The following GNAS variants were observed in gnomAD, a reference collection of about 807,000 sequenced individuals.
GNAS encodes GNAS complex locus.
A neutral mutation model predicts 54.5 loss-of-function variants in GNAS; 8 were observed. That is an observed-to-expected ratio of 0.15 (90% CI 0.09 to 0.26). The LOEUF is 0.26. Ranked by LOEUF, GNAS falls within the 10% of genes least tolerant of loss-of-function variation. GNAS has a pLI of 1.00. For missense variants in GNAS, 170 were observed against 529.8 expected, an observed-to-expected ratio of 0.32 and a Z score of 6.67; for synonymous variants, 204 against 191.4, an observed-to-expected ratio of 1.07 and a Z score of -0.54.
upstream of GNAS, chr20:58,840,183 G>T (rs774700482): frequency 1.9e-6 from 3 of 1,611,320 alleles, no homozygotes; most frequent in Non-Finnish European, 2.5e-6. The surrounding 1 kb of genome is among the most constrained non-coding windows in gnomAD (Gnocchi z 6.0). Context: ...CCCATAGGCC[G>T]CCGGGCAGCC....
At chr20:58,889,264 CG>C, upstream of GNAS, 1 of 1,056,542 alleles carries the variant, frequency 9.5e-7, no homozygotes, top group South Asian at 2.6e-5. Flanking sequence ...GGCTGCGGCG[CG>C]GCGGCTGGAG....
At chr20:58,882,548 G>A (rs992868107) in intron 1 of GNAS, among the ~76,000 whole-genome samples, 3 of 152,204 alleles carry the variant, frequency 2.0e-5, no homozygotes, top group Admixed American at 1.3e-4. Flanking sequence ...CAAACAACGA[G>A]TACACCTGTC....
chr20:58,889,552 A>G (rs2088914610), upstream of GNAS: 1 of 156,182 alleles, frequency 6.4e-6, no homozygotes, highest in African/African-American at 2.4e-5. Flanking sequence ...GCCTGAGGGT[A>G]AACAGACTCC....
At chr20:58,898,910 A>G (rs756570304) in intron 2 of GNAS, 31 bp from the exon 3 acceptor site, 188 of 1,603,590 alleles carry the variant, frequency 1.2e-4, no homozygotes, top group Non-Finnish European at 1.5e-4. Flanking sequence ...TGCCTTGCAG[A>G]TTAGGTGAGC....
At chr20:58,895,438 C>G (rs1011367012) in intron 1 of GNAS, 174 bp from the exon 2 acceptor site, 6 of 654,994 alleles carry the variant, frequency 9.2e-6, no homozygotes, top group Non-Finnish European at 1.7e-5. Context: ...CTGAATTGGA[C>G]ATTGATTTCC....
intron 1 of GNAS, among the ~76,000 whole-genome samples, chr20:58,844,947 A>AGT (rs2085888102): frequency 6.6e-6 from 1 of 152,256 alleles, no homozygotes; most frequent in Non-Finnish European, 1.5e-5. Flanking sequence ...CTCAAAAGGC[A>AGT]GTTTAGAGAA....
intron 1 of GNAS, among the ~76,000 whole-genome samples, chr20:58,866,463 C>T (rs1270295167): frequency 6.6e-6 from 1 of 152,172 alleles, no homozygotes; most frequent in Admixed American, 6.5e-5. Flanking sequence ...CTAGGGCAGA[C>T]TCTGTAACCA....
intron 1 of GNAS, among the ~76,000 whole-genome samples, chr20:58,864,955 AC>A (rs2086967054): frequency 6.6e-6 from 1 of 151,650 alleles, no homozygotes; most frequent in African/African-American, 2.4e-5. Flanking sequence ...ACACACACAC[AC>A]AAACACACAC....
chr20:58,844,086 G>GT (rs1568912989), intron 1 of GNAS: 1 of 152,110 alleles, frequency 6.6e-6, no homozygotes, highest in Non-Finnish European at 1.5e-5. Flanking sequence ...TAAGAATGAG[G>GT]TTTTTTGGTT....
chr20:58,859,481 G>A (rs1475162609), intron 1 of GNAS, among the ~76,000 whole-genome samples: 3 of 152,066 alleles, frequency 2.0e-5, no homozygotes, highest in African/African-American at 4.8e-5. Flanking sequence ...ACAGGCATGA[G>A]CCACTGTGCC....
At chr20:58,866,871 C>G (rs1178039882) in intron 1 of GNAS, among the ~76,000 whole-genome samples, 3 of 151,980 alleles carry the variant, frequency 2.0e-5, no homozygotes, top group Admixed American at 2.0e-4. Context: ...ACAATGACCA[C>G]TCTCCACTCC....
At chr20:58,889,554 A>G (rs2088914855), upstream of GNAS, 1 of 155,718 alleles carries the variant, frequency 6.4e-6, no homozygotes, top group Non-Finnish European at 1.4e-5. Flanking sequence ...CTGAGGGTAA[A>G]CAGACTCCTG....
intron 1 of GNAS, among the ~76,000 whole-genome samples, chr20:58,886,206 G>A (rs1204765852): frequency 6.6e-6 from 1 of 152,208 alleles, no homozygotes; most frequent in Non-Finnish European, 1.5e-5. Flanking sequence ...CCCTGATGTG[G>A]GACGTTGTTC....
rs2086023519 is a variant in GNAS at position 58,848,429 on chromosome 20, T to C, written c.43+7543T>C. ...TTCCTTAGCTGCATAAACACATTAA[T>C]AGACTTTCCTTCCTCAGTCCTATCA... On this transcript the variant is annotated intron_variant, in intron 1 of 12. Coordinates refer to the GNAS transcript ENST00000306090. 3.9e-5 allele frequency among the ~76,000 whole-genome samples: 6 copies of C among 152,350 alleles called. 1 individual carries two copies. The South Asian group carries it at 1.2e-3, about 32-fold the overall frequency.
intron 1 of GNAS, chr20:58,842,421 G>T (rs2085774548): frequency 5.0e-6 from 2 of 398,424 alleles, no homozygotes; most frequent in African/African-American, 4.1e-5. Flanking sequence ...GATGATGATA[G>T]AAGGAAAATA....
rs761520261 is a variant in GNAS at position 58,853,976 on chromosome 20, C to T, written c.43+13090C>T. ...ATGGAGAAGGATTTGGGGACGACAGCCCACCCCCGGGGCTTTCCCGAGTTA... is the reference window on the plus strand; with the variant it reads ...ATGGAGAAGGATTTGGGGACGACAGTCCACCCCCGGGGCTTTCCCGAGTTA... On this transcript the variant is annotated intron_variant, in intron 1 of 12. Coordinates refer to the GNAS transcript ENST00000306090. The surrounding 1 kb of genome is among the most constrained non-coding windows in gnomAD (Gnocchi z 4.4). The T allele has an allele frequency of 2.5e-6, 4 of 1,612,192 alleles. No homozygotes were observed. Among genetic ancestry groups the T allele is most frequent in the Non-Finnish European group, 3.4e-6 (4 of 1,179,754 alleles).
chr20:58,866,412 T>G (rs747134327), intron 1 of GNAS, among the ~76,000 whole-genome samples: 4 of 152,214 alleles, frequency 2.6e-5, no homozygotes, highest in Admixed American at 6.5e-5. Context: ...TCAAGAGTCT[T>G]GCGCTTGGTC....
chr20:58,871,404 C>T (rs1473528119), intron 1 of GNAS, among the ~76,000 whole-genome samples: 1 of 152,030 alleles, frequency 6.6e-6, no homozygotes, highest in Admixed American at 6.5e-5. Context: ...CACCTGAGGT[C>T]AGGAGTTCAA....
At chr20:58,897,104 ATTGG>A (rs1354081212) in intron 2 of GNAS, among the ~76,000 whole-genome samples, 2 of 152,210 alleles carry the variant, frequency 1.3e-5, no homozygotes, top group African/African-American at 2.4e-5. Flanking sequence ...ATTCAGAAGG[ATTGG>A]TTGGGATGCA....
Sources: gnomAD v4.1 joint callset for allele counts (sites outside exome capture counted in the v4.1 genomes callset) on GRCh38, gnomAD v4.1.1 for gene constraint, Gnocchi (gnomAD v3.1) non-coding constraint, MANE v1.5 for transcripts, NCBI Gene and HGNC (gene_info 2026-07-23, HGNC 2026-07-21) for gene names.